USP33: variants seen among roughly 807,000 people sequenced by gnomAD.
The protein encoded by USP33 is ubiquitin specific peptidase 33.
A neutral mutation model predicts 124.2 loss-of-function variants in USP33; 46 were observed. The observed-to-expected ratio is 0.37, with a 90% confidence interval of 0.29 to 0.47. The LOEUF is 0.47. Ranked by LOEUF, USP33 falls within the 20% of genes least tolerant of loss-of-function variation. USP33 has a pLI of 0.99. For synonymous variants in USP33, 350 were observed against 352.3 expected (o/e 0.99, Z 0.07); for missense variants, 851 against 1,070.6 (o/e 0.79, Z 2.86).
In USP33 at chr1:77,696,402, T is replaced by C. The variant is rs1034915526; in HGVS notation, c.*915A>G. 1 of 152,678 alleles carries C rather than the reference T, an allele frequency of 6.5e-6. No individual in the cohort carries two copies. Among genetic ancestry groups the C allele is most frequent in the African/African-American group, 2.4e-5 (1 of 41,470 alleles). The allele number at this position is 152,678 out of a possible 1,614,324, so 9.5% of individuals were successfully genotyped here. A position where few individuals can be genotyped will look rare whatever the true frequency, so the allele number is the denominator to read the frequency against. On this transcript the variant is annotated 3_prime_UTR_variant, in exon 24 of 24. Coordinates refer to ENST00000370794, the MANE Select transcript of USP33 (RefSeq NM_201624.3). ...TATAAGCGGCAATAAGTTACTGATATCTGCTGACAAATTCCACTCAAACTA... is the reference window on the plus strand; with the variant it reads ...TATAAGCGGCAATAAGTTACTGATACCTGCTGACAAATTCCACTCAAACTA...
In USP33 at chr1:77,711,865, GA is replaced by G; in HGVS notation, c.2298-11del. ...TGGTCCTCCACCATACCTAAAGCAT[GA>G]AAAATTTAAGAATTAATGTTCTAGG... On this transcript the variant is annotated splice_polypyrimidine_tract_variant and intron_variant, in intron 20 of 23. Transcript: ENST00000370794. 1.3e-6 allele frequency: 2 copies of G among 1,581,070 alleles called. No individual in the cohort carries two copies. The highest frequency in any genetic ancestry group is 2.0e-5 in the Admixed American group (1 of 50,458).
intron 3 of USP33, 145 bp downstream of exon 3, chr1:77,741,231 A>T: frequency 1.3e-6 from 1 of 781,924 alleles, no homozygotes; most frequent in Non-Finnish European, 2.0e-6. Context: ...TCCAAAGTTT[A>T]ATTTTTGTTA....
At chr1:77,747,673 C>T (rs899665322) in intron 1 of USP33, among the ~76,000 whole-genome samples, 3 of 152,126 alleles carry the variant, frequency 2.0e-5, no homozygotes, top group Admixed American at 6.5e-5. Context: ...ATTAAATATG[C>T]CTCTTGTAAT....
chr1:77,732,060 C>T (rs1288684475), intron 7 of USP33, among the ~76,000 whole-genome samples: 1 of 151,224 alleles, frequency 6.6e-6, no homozygotes, highest in Admixed American at 6.6e-5. Context: ...GCCATGATCG[C>T]TCCACTACAC....
At chr1:77,720,165 GAAAAAAAAAAAAAAAAA>G (rs745681259) in intron 15 of USP33, among the ~76,000 whole-genome samples, 2 of 42,742 alleles carry the variant, frequency 4.7e-5, no homozygotes, top group Non-Finnish European at 8.7e-5. Flanking sequence ...TGTCTCAAAT[GAAAAAAAAAAAAAAAAA>G]AAAAAAAAAA....
chr1:77,705,279 C>T (rs1012892195), intron 21 of USP33, among the ~76,000 whole-genome samples: 1 of 151,644 alleles, frequency 6.6e-6, no homozygotes. Flanking sequence ...ACTGCAATCT[C>T]CACCTCCCCA....
intron 1 of USP33, among the ~76,000 whole-genome samples, chr1:77,746,817 C>T (rs1679789192): frequency 6.6e-6 from 1 of 152,140 alleles, no homozygotes; most frequent in Non-Finnish European, 1.5e-5. Flanking sequence ...AGGCCTTCAA[C>T]AAAATTCAAC....
At chr1:77,711,544 C>T (rs1238157213) in intron 21 of USP33, 4 of 751,270 alleles carry the variant, frequency 5.3e-6, no homozygotes, top group Non-Finnish European at 7.8e-6. Context: ...CACACACACA[C>T]ACACACACAC....
chr1:77,746,583 G>A (rs972476933), intron 1 of USP33: 1 of 152,078 alleles, frequency 6.6e-6, no homozygotes, highest in Non-Finnish European at 1.5e-5. Context: ...AAAAAAAAGA[G>A]AATTTTAGAC....
chr1:77,705,273 C>T (rs1442398321), intron 21 of USP33, among the ~76,000 whole-genome samples: 1 of 151,522 alleles, frequency 6.6e-6, no homozygotes, highest in Non-Finnish European at 1.5e-5. Context: ...CGGCTCACTG[C>T]AATCTCCACC....
At chr1:77,713,326 T>A (rs748319797) in intron 19 of USP33, 45 bp from the exon 20 acceptor site, 11 of 1,495,388 alleles carry the variant, frequency 7.4e-6, no homozygotes, top group Non-Finnish European at 9.9e-6. Flanking sequence ...TTTAATTATA[T>A]TCCTTTCAAA....
chr1:77,702,013 C>T (rs1674069695), intron 21 of USP33, among the ~76,000 whole-genome samples: 2 of 151,526 alleles, frequency 1.3e-5, no homozygotes, highest in Admixed American at 6.6e-5. Flanking sequence ...AGGTGATTTG[C>T]ACCTGTAGTC....
intron 12 of USP33, among the ~76,000 whole-genome samples, chr1:77,722,906 C>T (rs1268500125): frequency 1.3e-5 from 2 of 152,020 alleles, no homozygotes; most frequent in Non-Finnish European, 2.9e-5. Context: ...TATCTGAGTC[C>T]CATCCTAAAC....
chr1:77,709,579 C>T (rs1027962002), intron 21 of USP33, among the ~76,000 whole-genome samples: 13 of 150,574 alleles, frequency 8.6e-5, no homozygotes, highest in Non-Finnish European at 1.2e-4. Flanking sequence ...ATTTTATATA[C>T]ATGTTTAATT....
At chr1:77,713,179 G>T (rs961945817) in intron 20 of USP33, 21 bp downstream of exon 20, 47 of 1,588,838 alleles carry the variant, frequency 3.0e-5, no homozygotes, top group Non-Finnish European at 3.9e-5. Flanking sequence ...AACACTGTAT[G>T]GTCTGATTTA....
At chr1:77,742,002 G>T (rs1043486700) in intron 1 of USP33, among the ~76,000 whole-genome samples, 2 of 151,938 alleles carry the variant, frequency 1.3e-5, no homozygotes, top group African/African-American at 4.8e-5. Context: ...ATAAACAAAT[G>T]TAAGTTTGTT....
chr1:77,759,792 G>C lies in USP33; in HGVS notation c.-201C>G, dbSNP rs765274017. 2.5e-6 allele frequency: 1 copy of C among 397,750 alleles called. No homozygotes were observed. The highest frequency in any genetic ancestry group is 4.4e-6 in the Non-Finnish European group (1 of 225,480). The allele number at this position is 397,750 out of a possible 1,614,324, so 24.6% of individuals were successfully genotyped here. A position where few individuals can be genotyped will look rare whatever the true frequency, so the allele number is the denominator to read the frequency against. The stretch of plus-strand genomic sequence containing the variant: ...AAACGGCCCCGCAGCGCTGCCCTCG[G>C]GGGGTCCGCCTCCTGAACTGGCCAC... On this transcript the variant is annotated 5_prime_UTR_variant, in exon 1 of 24. Transcript: ENST00000370794.
chr1:77,704,402 A>T (rs1054439103), intron 21 of USP33, among the ~76,000 whole-genome samples: 1 of 152,244 alleles, frequency 6.6e-6, no homozygotes, highest in Non-Finnish European at 1.5e-5. Context: ...CATTAAATTC[A>T]TACCACTACC....
At chr1:77,718,689 A>T (rs777073664) in intron 15 of USP33, 48 bp from the exon 16 acceptor site, 2 of 1,444,420 alleles carry the variant, frequency 1.4e-6, no homozygotes, top group Non-Finnish European at 1.9e-6. Flanking sequence ...AAAACTTAGT[A>T]TATTTAAATT....
Sources: allele counts gnomAD v4.1 joint callset (sites outside exome capture counted in the v4.1 genomes callset), GRCh38; gene constraint gnomAD v4.1.1; transcripts MANE v1.5; gene names NCBI Gene and HGNC (gene_info 2026-07-23, HGNC 2026-07-21).